Variants in PLD5 observed in about 807,000 individuals in gnomAD.
PLD5 encodes the protein phospholipase D family member 5, also known as inactive phospholipase D5.
In PLD5, 36 loss-of-function variants were observed where a neutral mutation model predicts 61.1. That is an observed-to-expected ratio of 0.59 (90% CI 0.45 to 0.78). PLD5 has a LOEUF of 0.78. PLD5 is among the 30% of genes least tolerant of loss of function. PLD5 has a pLI of 0.00. For synonymous variants in PLD5, 243 were observed against 242.8 expected, an observed-to-expected ratio of 1.00 and a Z score of -0.01; for missense variants, 515 against 644.4, an observed-to-expected ratio of 0.80 and a Z score of 2.17.
chr1:242,527,111 CTTCTTTTTTTTTTTTTTT>C (rs1261711943), upstream of PLD5, among the ~76,000 whole-genome samples: 2 of 89,636 alleles, frequency 2.2e-5, no homozygotes, highest in African/African-American at 4.4e-5. Flanking sequence ...CTACTATCTC[CTTCTTTTTTTTTTTTTTT>C]TTTTTTTTTT....
chr1:242,491,450 C>T (rs1668149376), intron 1 of PLD5, among the ~76,000 whole-genome samples: 1 of 152,304 alleles, frequency 6.6e-6, no homozygotes, highest in Admixed American at 6.5e-5. Context: ...CCACTGTCAA[C>T]CCTTTACAAG....
intron 2 of PLD5, among the ~76,000 whole-genome samples, chr1:242,304,432 TCA>T (rs1365761313): frequency 6.6e-6 from 1 of 152,192 alleles, no homozygotes; most frequent in Non-Finnish European, 1.5e-5. Flanking sequence ...ATGTATCTTT[TCA>T]CAGTCTGAAT....
chr1:242,523,989 G>A lies in PLD5; in HGVS notation c.189+99C>T, dbSNP rs1326402531. ...CGTCGGCGCCTGCCAGGATCCCCTC[G>A]CCTGCCCCCCGCGCCCCGCGCGCGC... On this transcript the variant is annotated intron_variant, in intron 1 of 9. Transcript: ENST00000536534. 14 of 1,311,696 alleles carry A rather than the reference G, an allele frequency of 1.1e-5. No individual in the cohort carries two copies. In the South Asian group the frequency reaches 1.6e-4, roughly 15 times the overall value. The allele number at this position is 1,311,696 out of a possible 1,614,324, so 81.3% of individuals were successfully genotyped here.
At position 242,256,640 on chromosome 1, in the gene PLD5, C is replaced by A. The variant is rs1465049863; in HGVS notation, c.607+8697G>T. On this transcript the variant is annotated intron_variant, in intron 4 of 9. Transcript: ENST00000536534. This position sits in a 1 kb window ranked among gnomAD's most constrained non-coding sequence, Gnocchi z 5.7. ...TCAGCAGACACTGAACCTGCTGGTG[C>A]CTTGATCTTAAACTTCCAGACCCCA... 3.3e-5 allele frequency among the ~76,000 whole-genome samples: 5 copies of A among 152,246 alleles called. No homozygotes were observed. The highest frequency in any genetic ancestry group is 6.8e-3 in the Middle Eastern group (2 of 294).
chr1:242,400,128 A>G (rs1663837638), intron 1 of PLD5, among the ~76,000 whole-genome samples: 2 of 152,040 alleles, frequency 1.3e-5, no homozygotes, highest in South Asian at 4.2e-4. Flanking sequence ...AGATGGTGCC[A>G]TTGCACTCCA....
rs1668356000 is a variant in PLD5 at position 242,192,657 on chromosome 1, C to T, written c.735+27331G>A. On this transcript the variant is annotated intron_variant, in intron 5 of 9. Coordinates refer to ENST00000536534, the MANE Select transcript of PLD5 (RefSeq NM_001372062.1). Reference sequence around the variant, plus strand: ...ATGAGAAAGGATGGTAGTTTTAACTCTAGATCATGTAACACGGACAGAAGA... The same window carrying T: ...ATGAGAAAGGATGGTAGTTTTAACTTTAGATCATGTAACACGGACAGAAGA... Among the ~76,000 whole-genome samples the T allele has an allele frequency of 2.6e-5, 4 of 152,142 alleles. 1 individual carries two copies. The highest frequency in any genetic ancestry group is 2.6e-4 in the Admixed American group (4 of 15,272).
chr1:242,263,851 A>G (rs996610028), intron 4 of PLD5, among the ~76,000 whole-genome samples: 11 of 152,228 alleles, frequency 7.2e-5, no homozygotes, highest in Non-Finnish European at 2.9e-5. Flanking sequence ...TTACAGTAGC[A>G]AATATTCAGC....
At chr1:242,178,789 C>T (rs553167740) in intron 5 of PLD5, among the ~76,000 whole-genome samples, 2 of 152,296 alleles carry the variant, frequency 1.3e-5, no homozygotes, top group Admixed American at 1.3e-4. Flanking sequence ...AGCCACTGAT[C>T]CCTCCATATG....
At chr1:242,349,672 T>A (rs1196561401) in intron 1 of PLD5, among the ~76,000 whole-genome samples, 1 of 152,140 alleles carries the variant, frequency 6.6e-6, no homozygotes, top group Non-Finnish European at 1.5e-5. Flanking sequence ...CTCTAGGGGC[T>A]CATGGCTAAA....
rs188285325 is a variant in PLD5, at chr1:242,338,921, C to T, written c.326+9185G>A. Among the ~76,000 whole-genome samples, 599 of 152,242 alleles carry T rather than the reference C, an allele frequency of 3.9e-3. 4 individuals are homozygous for T. Among genetic ancestry groups the T allele is most frequent in the African/African-American group, 0.014 (573 of 41,556 alleles). On this transcript the variant is annotated intron_variant, in intron 2 of 9. Coordinates refer to ENST00000536534, the MANE Select transcript of PLD5 (RefSeq NM_001372062.1). ...TTAAAATCAAGCTATCTCCCATTTC[C>T]AGTTATTATTAACAGTTTATTCAAT...
chr1:242,377,212 G>C (rs991712307), intron 1 of PLD5: 1 of 1,611,502 alleles, frequency 6.2e-7, no homozygotes, highest in Non-Finnish European at 8.5e-7. Flanking sequence ...CCACACTCCC[G>C]GCACTGGTAG....
At chr1:242,464,904 T>A (rs988502262) in intron 1 of PLD5, among the ~76,000 whole-genome samples, 22 of 152,318 alleles carry the variant, frequency 1.4e-4, no homozygotes, top group African/African-American at 5.1e-4. Context: ...ACACGAAAGG[T>A]CACATATTGT....
rs187168293 is a variant in PLD5 at position 242,269,369 on chromosome 1, C to T, written c.496-3921G>A. ...GTACAGTAGAGTCGTATGCAGGAAG[C>T]TGTACCCCCAAAATAGAGATCCAGC... On this transcript the variant is annotated intron_variant, in intron 3 of 9. Coordinates refer to ENST00000536534, the MANE Select transcript of PLD5 (RefSeq NM_001372062.1). Among the ~76,000 whole-genome samples the T allele has an allele frequency of 6.0e-3, 917 of 151,918 alleles. 5 individuals carry two copies. Among genetic ancestry groups the T allele is most frequent in the Non-Finnish European group, 0.011 (724 of 67,982 alleles).
chr1:242,096,833 T>C (rs1049875715), intron 9 of PLD5, among the ~76,000 whole-genome samples: 2 of 152,146 alleles, frequency 1.3e-5, no homozygotes, highest in African/African-American at 4.8e-5. Flanking sequence ...CATGTTGGTG[T>C]GCTGCACCCA....
intron 1 of PLD5, among the ~76,000 whole-genome samples, chr1:242,483,597 C>G (rs1424414010): frequency 6.6e-6 from 1 of 152,158 alleles, no homozygotes. Context: ...TAGACTCCCA[C>G]ACAGTAATAA....
At chr1:242,145,938 A>G (rs533913832) in intron 5 of PLD5, among the ~76,000 whole-genome samples, 1 of 152,270 alleles carries the variant, frequency 6.6e-6, no homozygotes, top group South Asian at 2.1e-4. Context: ...GGCCTCCCAA[A>G]GTGTTGGGAT....
chr1:242,199,506 C>T lies in PLD5; in HGVS notation c.735+20482G>A, dbSNP rs538475977. Reference sequence around the variant, plus strand: ...CTGGCCTCAAGTGATCTGCCTGCCTCGGCCTCCCAAAGGTCTGGGATTACA... The same window carrying T: ...CTGGCCTCAAGTGATCTGCCTGCCTTGGCCTCCCAAAGGTCTGGGATTACA... On this transcript the variant is annotated intron_variant, in intron 5 of 9. Coordinates refer to ENST00000536534, the MANE Select transcript of PLD5 (RefSeq NM_001372062.1). 5.2e-4 allele frequency among the ~76,000 whole-genome samples: 79 copies of T among 152,276 alleles called. 2 individuals are homozygous for T. The South Asian group carries it at 0.016, about 30-fold the overall frequency.
At chr1:242,107,163 G>A (rs1661123725) in intron 8 of PLD5, among the ~76,000 whole-genome samples, 1 of 152,070 alleles carries the variant, frequency 6.6e-6, no homozygotes, top group South Asian at 2.1e-4. Context: ...GGAGCAGTAG[G>A]TGAATGGGGT....
intron 6 of PLD5, among the ~76,000 whole-genome samples, chr1:242,117,883 T>C (rs1662071963): frequency 6.6e-6 from 1 of 152,218 alleles, no homozygotes. Context: ...GCATGTTGGC[T>C]CTGCTTTAAA....
Sources: gnomAD v4.1 joint callset for allele counts (sites outside exome capture counted in the v4.1 genomes callset) on GRCh38, gnomAD v4.1.1 for gene constraint, Gnocchi (gnomAD v3.1) non-coding constraint, MANE v1.5 for transcripts, NCBI Gene and HGNC (gene_info 2026-07-23, HGNC 2026-07-21) for gene names.